FAM20C: variants seen among roughly 807,000 people sequenced by gnomAD.
FAM20C encodes extracellular serine/threonine protein kinase FAM20C.
A neutral mutation model predicts 51.5 loss-of-function variants in FAM20C; 40 were observed. The ratio of observed to expected loss-of-function variants is 0.78; its 90% confidence interval spans 0.60 to 1.01. The LOEUF (loss-of-function observed/expected upper bound fraction) is 1.01. FAM20C is among the 50% of genes least tolerant of loss of function. The pLI is 0.00. For missense variants in FAM20C, 861 were observed against 844.7 expected (o/e 1.02, Z -0.24); for synonymous variants, 406 against 380.6 (o/e 1.07, Z -0.78).
At chr7:259,395 A>ATCGCAGGCCCCTCTC (rs1788777803) in intron 9 of FAM20C, among the ~76,000 whole-genome samples, 2 of 94,720 alleles carry the variant, frequency 2.1e-5, no homozygotes, top group Admixed American at 1.9e-4. Flanking sequence ...GAGGTGTTGG[A>ATCGCAGGCCCCTCTC]TCGCAGGCCC....
intron 2 of FAM20C, among the ~76,000 whole-genome samples, chr7:204,656 G>A (rs1482538960): frequency 3.3e-5 from 5 of 152,248 alleles, no homozygotes; most frequent in South Asian, 2.1e-4. Context: ...CGGCACTCGC[G>A]TGGCCTTTGC....
At chr7:234,996 G>C (rs1431063950) in intron 3 of FAM20C, among the ~76,000 whole-genome samples, 1 of 152,174 alleles carries the variant, frequency 6.6e-6, no homozygotes, top group Non-Finnish European at 1.5e-5. Flanking sequence ...ATGGGCCACA[G>C]TCATGCCAGG....
chr7:260,390 A>G lies in FAM20C; in HGVS notation c.*410A>G, dbSNP rs920817742. On this transcript the variant is annotated 3_prime_UTR_variant, in exon 10 of 10. Coordinates refer to ENST00000313766, the MANE Select transcript of FAM20C (RefSeq NM_020223.4). ...CTGGGGGCCCCTCAAGGCCAAGCTCACCCCTCAAGTGCTCTCACACTCGGG... is the reference window on the plus strand; with the variant it reads ...CTGGGGGCCCCTCAAGGCCAAGCTCGCCCCTCAAGTGCTCTCACACTCGGG... The G allele has an allele frequency of 4.4e-5, 7 of 158,940 alleles. No homozygotes were observed. Among genetic ancestry groups the G allele is most frequent in the Admixed American group, 1.3e-4 (2 of 15,560 alleles). The allele number at this position is 158,940 out of a possible 1,614,324, so 9.8% of individuals were successfully genotyped here.
intron 3 of FAM20C, among the ~76,000 whole-genome samples, chr7:230,543 T>C (rs1322862128): frequency 1.3e-5 from 2 of 152,042 alleles, no homozygotes; most frequent in Admixed American, 6.6e-5. Flanking sequence ...GGCCGTCTGG[T>C]CCACATGCCT....
chr7:228,077 C>T (rs926546432), intron 3 of FAM20C: 23 of 233,858 alleles, frequency 9.8e-5, no homozygotes, highest in African/African-American at 1.6e-4. Flanking sequence ...GCCCTTTAGC[C>T]GCACCACAGC....
chr7:195,639 A>G lies in FAM20C; in HGVS notation c.691A>G (p.Ile231Val), dbSNP rs1562359623. The G allele has an allele frequency of 6.2e-7, 1 of 1,611,006 alleles. No individual in the cohort carries two copies. Among genetic ancestry groups the G allele is most frequent in the Non-Finnish European group, 8.5e-7 (1 of 1,178,752 alleles). Residue 231 changes from isoleucine (I) to valine (V), a missense_variant, in exon 2 of 10, where the codon ATT becomes GTT. This residue lies in a region of FAM20C where 561 missense variants were observed against 499.8 expected (regional missense o/e 1.12). Coordinates refer to ENST00000313766, the MANE Select transcript of FAM20C (RefSeq NM_020223.4). ...DSYPNWLKFH[I>V]GINRYELYSR... Reference sequence around the variant, plus strand: ...CTATCCCAACTGGCTCAAGTTCCACATTGGTATCAACCGGTACGAGCTGTA... The same window carrying G: ...CTATCCCAACTGGCTCAAGTTCCACGTTGGTATCAACCGGTACGAGCTGTA...
intron 2 of FAM20C, among the ~76,000 whole-genome samples, chr7:203,376 C>A (rs1651962590): frequency 6.6e-6 from 1 of 151,480 alleles, no homozygotes. Flanking sequence ...AAAATTGCAC[C>A]TTTTTTTCAA....
At chr7:199,764 C>T (rs1347857066) in intron 2 of FAM20C, among the ~76,000 whole-genome samples, 1 of 152,174 alleles carries the variant, frequency 6.6e-6, no homozygotes, top group Non-Finnish European at 1.5e-5. Context: ...TATTATCTAC[C>T]TCTATTCAGC....
At chr7:210,066 C>CCGCTCACA (rs774416836) in intron 3 of FAM20C, among the ~76,000 whole-genome samples, 17 of 152,332 alleles carry the variant, frequency 1.1e-4, no homozygotes, top group Non-Finnish European at 2.4e-4. Flanking sequence ...GAGGGCATCC[C>CCGCTCACA]CGCTCACACG....
At chr7:255,128 C>T (rs186314256) in intron 5 of FAM20C, among the ~76,000 whole-genome samples, 2 of 152,266 alleles carry the variant, frequency 1.3e-5, no homozygotes, top group Admixed American at 6.5e-5. Flanking sequence ...GTTCCTGGGT[C>T]ACGTGGAAAC....
chr7:259,724 T>A lies in FAM20C; in HGVS notation c.1506-7T>A. On this transcript the variant is annotated splice_region_variant and splice_polypyrimidine_tract_variant and intron_variant, in intron 9 of 9. Transcript: ENST00000313766. Reference sequence around the variant, plus strand: ...CGTGCCAGGCCTGATGCCCCTCTCCTCCCCAGGATCCGGAAGTCCACCTAC... The same window carrying A: ...CGTGCCAGGCCTGATGCCCCTCTCCACCCCAGGATCCGGAAGTCCACCTAC... 1.3e-6 allele frequency: 2 copies of A among 1,530,406 alleles called. No individual in the cohort carries two copies. The highest frequency in any genetic ancestry group is 1.8e-6 in the Non-Finnish European group (2 of 1,142,268). 94.8% of individuals were successfully genotyped at this position (1,530,406 alleles called of 1,614,324 possible).
intron 3 of FAM20C, among the ~76,000 whole-genome samples, chr7:220,200 C>T (rs1175828689): frequency 6.6e-6 from 1 of 152,184 alleles, no homozygotes; most frequent in Non-Finnish European, 1.5e-5. Flanking sequence ...GAGCTGCTGG[C>T]TCCTGGCATG....
At chr7:249,483 G>A (rs1274504654) in intron 5 of FAM20C, among the ~76,000 whole-genome samples, 1 of 152,256 alleles carries the variant, frequency 6.6e-6, no homozygotes, top group Middle Eastern at 3.2e-3. Context: ...GCTCACGCCT[G>A]TAATCTCAGC....
rs572411891 is a variant in FAM20C, at chr7:193,718, G to T, written c.519G>T (p.Ala173=). ...TCGAGCACCCGCTTTACCGGGTGGCGGTTCCGCCGCTCACGGAGGAGGACG... is the reference window on the plus strand; with the variant it reads ...TCGAGCACCCGCTTTACCGGGTGGCTGTTCCGCCGCTCACGGAGGAGGACG... ...RLFEHPLYRV[A]VPPLTEEDVL... is the part of the protein sequence containing the mutation. Residue 173 remains alanine, a synonymous_variant, in exon 1 of 10, where the codon GCG becomes GCT. Coordinates refer to ENST00000313766, the MANE Select transcript of FAM20C (RefSeq NM_020223.4). The T allele has an allele frequency of 1.2e-5, 18 of 1,547,006 alleles. No individual in the cohort carries two copies. In the African/African-American group the frequency reaches 2.1e-4, roughly 18 times the overall value.
intron 2 of FAM20C, among the ~76,000 whole-genome samples, chr7:205,848 C>T (rs1786354875): frequency 6.6e-6 from 1 of 152,134 alleles, no homozygotes; most frequent in African/African-American, 2.4e-5. Context: ...CCCCACGAAG[C>T]CCGCTGTCCT....
intron 5 of FAM20C, among the ~76,000 whole-genome samples, chr7:251,132 T>A (rs1788378740): frequency 1.3e-5 from 1 of 77,634 alleles, no homozygotes; most frequent in Non-Finnish European, 3.2e-5. Flanking sequence ...TCCTCCCCGT[T>A]TCTAAGGTCT....
chr7:241,831 G>C (rs1289268723), intron 3 of FAM20C, among the ~76,000 whole-genome samples: 1 of 151,744 alleles, frequency 6.6e-6, no homozygotes, highest in Non-Finnish European at 1.5e-5. Flanking sequence ...GTGTGCCCGT[G>C]TGTACGTTTG....
At chr7:223,971 C>T (rs1271624573) in intron 3 of FAM20C, among the ~76,000 whole-genome samples, 1 of 152,118 alleles carries the variant, frequency 6.6e-6, no homozygotes, top group Non-Finnish European at 1.5e-5. Context: ...ACCCCAGGAC[C>T]GTCCTGTGTC....
chr7:227,849 C>T (rs1258746754), intron 3 of FAM20C: 1 of 152,600 alleles, frequency 6.6e-6, no homozygotes, highest in East Asian at 1.9e-4. Flanking sequence ...CAGACTTTTA[C>T]AGTTGCAAAT....
Sources: allele counts gnomAD v4.1 joint callset (sites outside exome capture counted in the v4.1 genomes callset), GRCh38; gene constraint gnomAD v4.1.1; regional missense constraint gnomAD v4.1.1; transcripts MANE v1.5; gene names NCBI Gene and HGNC (gene_info 2026-07-23, HGNC 2026-07-21).